The following DCAF8 variants were observed in gnomAD, a reference collection of about 807,000 sequenced individuals.
The protein encoded by DCAF8 is DDB1 and CUL4 associated factor 8, also known as DDB1- and CUL4-associated factor 8.
A neutral mutation model predicts 68.0 loss-of-function variants in DCAF8; 20 were observed. The ratio of observed to expected loss-of-function variants is 0.29; its 90% CI spans 0.21 to 0.43. The LOEUF (loss-of-function observed/expected upper bound fraction) is 0.43. Ranked by LOEUF, DCAF8 falls within the 20% of genes least tolerant of loss-of-function variation. The pLI is 1.00. For missense variants in DCAF8, 460 were observed against 771.0 expected, an observed-to-expected ratio of 0.60 and a Z score of 4.78; for synonymous variants, 230 against 276.9, an observed-to-expected ratio of 0.83 and a Z score of 1.68.
intron 2 of DCAF8, among the ~76,000 whole-genome samples, chr1:160,259,943 G>A (rs901025180): frequency 1.3e-5 from 2 of 152,086 alleles, no homozygotes; most frequent in Admixed American, 6.5e-5. Flanking sequence ...GACAACTCTA[G>A]GTGGGCACTT....
intron 1 of DCAF8, chr1:160,261,864 A>G (rs1480560374): frequency 6.5e-6 from 1 of 153,334 alleles, no homozygotes; most frequent in Non-Finnish European, 1.5e-5. Context: ...TACAAAGGGT[A>G]CAAGACCACA....
Position 160,218,128 on chromosome 1 carries a change from T to C in DCAF8, c.1677+196A>G, listed in dbSNP as rs11265358. The C allele has an allele frequency of 0.023, 15,054 of 641,080 alleles. 1,728 individuals carry two copies. The African/African-American group carries it at 0.24, about 10-fold the overall frequency. 39.7% of individuals were successfully genotyped at this position (641,080 alleles called of 1,614,324 possible). On this transcript the variant is annotated intron_variant, in intron 13 of 13. Coordinates refer to ENST00000368074, the MANE Select transcript of DCAF8 (RefSeq NM_015726.4). ...AGATAGCATTACACATGGACGGCAA[T>C]GGACAAAAGTAGATACCACCCTTTT...
chr1:160,259,346 A>G (rs771964960), intron 2 of DCAF8, among the ~76,000 whole-genome samples: 8 of 152,150 alleles, frequency 5.3e-5, no homozygotes, highest in Non-Finnish European at 1.0e-4. Context: ...CACCCTGGCC[A>G]ACATGGTGAA....
chr1:160,246,301 G>C (rs60995786), intron 2 of DCAF8, among the ~76,000 whole-genome samples: 2,416 of 152,282 alleles, frequency 0.016, 62 homozygotes, highest in African/African-American at 0.049. Flanking sequence ...AGCAGCTGCA[G>C]AGAACCTCTC....
At chr1:160,233,159 T>C (rs1470617278) in intron 6 of DCAF8, among the ~76,000 whole-genome samples, 2 of 152,224 alleles carry the variant, frequency 1.3e-5, no homozygotes. Context: ...GAAATGATTT[T>C]AGCATCCTTT....
intron 2 of DCAF8, among the ~76,000 whole-genome samples, chr1:160,251,296 G>C (rs912032815): frequency 6.6e-5 from 10 of 152,074 alleles, no homozygotes; most frequent in Non-Finnish European, 1.3e-4. Flanking sequence ...TGCTTTTCTA[G>C]GTCCCACAGT....
chr1:160,244,057 C>G (rs759290175), intron 2 of DCAF8, 23 bp from the exon 3 acceptor site: 5 of 1,592,256 alleles, frequency 3.1e-6, no homozygotes, highest in African/African-American at 1.3e-5. Flanking sequence ...GAGGAAGAAA[C>G]CAAAACAATT....
Position 160,217,660 on chromosome 1 carries a change from A to G in DCAF8, c.1726T>C (p.Ser576Pro), listed in dbSNP as rs748037344. ...TCCGATGTGTCTGAGGAGCTGGGAG[A>G]CTCATCAGAGTCCGCGTCTGTGGCC... ...VGATDADSDE[S>P]PSSSDTSDEE... Residue 576 changes from serine (S) to proline (P), a missense_variant, in exon 14 of 14, where the codon TCT (serine) becomes CCT (proline). Coordinates refer to ENST00000368074, the MANE Select transcript of DCAF8 (RefSeq NM_015726.4). 7.4e-6 allele frequency: 12 copies of G among 1,614,040 alleles called. No homozygotes were observed. The highest frequency in any genetic ancestry group is 1.0e-5 in the Non-Finnish European group (12 of 1,180,010).
intron 8 of DCAF8, 129 bp from the exon 9 acceptor site, chr1:160,225,248 A>C (rs1237282715): frequency 1.1e-6 from 1 of 882,074 alleles, no homozygotes; most frequent in East Asian, 2.6e-5. Flanking sequence ...GACAGAGACA[A>C]GAGTACAACT....
chr1:160,253,647 C>CAAAAAAAA (rs747211563), intron 2 of DCAF8, among the ~76,000 whole-genome samples: 2 of 26,946 alleles, frequency 7.4e-5, no homozygotes, highest in Non-Finnish European at 1.7e-4. Context: ...GACTCCATCT[C>CAAAAAAAA]AAAAAAAAAA....
At chr1:160,234,651 C>T (rs960885554) in intron 6 of DCAF8, among the ~76,000 whole-genome samples, 2 of 152,166 alleles carry the variant, frequency 1.3e-5, no homozygotes, top group African/African-American at 2.4e-5. Flanking sequence ...ATTAAATAAA[C>T]TTACTATCAT....
At chr1:160,241,737 C>CAG (rs1253746104) in intron 3 of DCAF8, among the ~76,000 whole-genome samples, 3 of 152,204 alleles carry the variant, frequency 2.0e-5, no homozygotes, top group Non-Finnish European at 2.9e-5. Context: ...TCAGGAAAGG[C>CAG]AGACCATCCA....
At chr1:160,234,707 A>G (rs1233147192) in intron 6 of DCAF8, among the ~76,000 whole-genome samples, 7 of 152,172 alleles carry the variant, frequency 4.6e-5, no homozygotes, top group African/African-American at 7.2e-5. Context: ...CTAATCTTCC[A>G]TTACCATTAC....
Position 160,218,352 on chromosome 1 carries a change from T to C in DCAF8, c.1649A>G (p.His550Arg), listed in dbSNP as rs1417418042. Residue 550 changes from histidine to arginine, a missense_variant, in exon 13 of 14, where the codon CAT becomes CGT. Around this residue, in one of 8 missense-constraint regions of DCAF8, gnomAD observed 80 missense variants for 115.1 expected, o/e 0.70. Transcript: ENST00000368074. ...FDSHMLWFLM[H>R]HLRQRRHHRR... ...GTGATGGCGTCTCTGTCTCAGGTGA[T>C]GCATAAGGAACCACAGCATGTGACT... The C allele has an allele frequency of 6.2e-7, 1 of 1,614,022 alleles. No homozygotes were observed. Among genetic ancestry groups the C allele is most frequent in the Non-Finnish European group, 8.5e-7 (1 of 1,179,968 alleles).
At chr1:160,249,464 C>T (rs1656491119) in intron 2 of DCAF8, among the ~76,000 whole-genome samples, 2 of 152,078 alleles carry the variant, frequency 1.3e-5, no homozygotes, top group Non-Finnish European at 2.9e-5. Flanking sequence ...GTTAAATATA[C>T]ACTTATCATA....
intron 6 of DCAF8, among the ~76,000 whole-genome samples, chr1:160,236,098 C>T (rs1395499960): frequency 6.6e-6 from 1 of 152,066 alleles, no homozygotes; most frequent in Non-Finnish European, 1.5e-5. Context: ...GGAGCATTTA[C>T]ATTTTGTCTG....
At chr1:160,236,578 T>G (rs1264028707) in intron 6 of DCAF8, among the ~76,000 whole-genome samples, 2 of 152,102 alleles carry the variant, frequency 1.3e-5, no homozygotes, top group African/African-American at 4.8e-5. Context: ...TAGTGCCTGA[T>G]TTGAGATTTG....
intron 2 of DCAF8, among the ~76,000 whole-genome samples, chr1:160,253,953 G>GTAGGAA (rs1229639051): frequency 6.6e-6 from 1 of 152,344 alleles, no homozygotes; most frequent in South Asian, 2.1e-4. Context: ...TTATCTCAGA[G>GTAGGAA]ATTGAATGGA....
chr1:160,257,902 T>TA, intron 2 of DCAF8, among the ~76,000 whole-genome samples: 1 of 152,242 alleles, frequency 6.6e-6, no homozygotes, highest in East Asian at 1.9e-4. Flanking sequence ...GCTTTTTTTT[T>TA]AAACTTTTTG....
Sources: allele counts gnomAD v4.1 joint callset (sites outside exome capture counted in the v4.1 genomes callset), GRCh38; gene constraint gnomAD v4.1.1; regional missense constraint gnomAD v4.1.1; transcripts MANE v1.5; gene names NCBI Gene and HGNC (gene_info 2026-07-23, HGNC 2026-07-21).